Variants in MSANTD3 observed in about 807,000 individuals in gnomAD.
MSANTD3 encodes Myb/SANT DNA binding domain containing 3.
A neutral mutation model predicts 27.7 loss-of-function variants in MSANTD3; 11 were observed. That is an observed-to-expected ratio of 0.40 (90% CI 0.25 to 0.66). The LOEUF (loss-of-function observed/expected upper bound fraction) is 0.66. MSANTD3 is among the 30% of genes least tolerant of loss of function. The pLI, the probability that MSANTD3 is intolerant of heterozygous loss-of-function variation, is 0.41. For synonymous variants in MSANTD3, 131 were observed against 127.2 expected (o/e 1.03, Z -0.20); for missense variants, 250 against 336.5 (o/e 0.74, Z 2.01).
chr9:100,433,116 T>C (rs1001595264), intron 1 of MSANTD3, among the ~76,000 whole-genome samples: 2 of 152,174 alleles, frequency 1.3e-5, no homozygotes, highest in African/African-American at 4.8e-5. Context: ...GAGGGGGTTC[T>C]GAAGTGGGAG....
At chr9:100,447,962 G>A (rs746938992) in intron 2 of MSANTD3, among the ~76,000 whole-genome samples, 2 of 152,108 alleles carry the variant, frequency 1.3e-5, no homozygotes, top group East Asian at 1.9e-4. Flanking sequence ...AGGCCAAGGC[G>A]GGCCGATTGC....
At chr9:100,428,385 T>C (rs1183974429) in intron 1 of MSANTD3, among the ~76,000 whole-genome samples, 1 of 151,954 alleles carries the variant, frequency 6.6e-6, no homozygotes, top group African/African-American at 2.4e-5. Context: ...GAATATTAAT[T>C]AAAAAACATA....
chr9:100,443,692 A>G (rs1360976863), intron 2 of MSANTD3, among the ~76,000 whole-genome samples: 1 of 152,234 alleles, frequency 6.6e-6, no homozygotes, highest in Non-Finnish European at 1.5e-5. Context: ...ATAGCTTCAA[A>G]AGGTTGGAAT....
chr9:100,436,615 T>C (rs1465587516), intron 1 of MSANTD3, among the ~76,000 whole-genome samples: 2 of 152,230 alleles, frequency 1.3e-5, no homozygotes, highest in African/African-American at 4.8e-5. Context: ...TAAACAATTA[T>C]GGACAATTGA....
At chr9:100,443,976 G>C (rs1490101189) in intron 2 of MSANTD3, among the ~76,000 whole-genome samples, 1 of 152,208 alleles carries the variant, frequency 6.6e-6, no homozygotes, top group African/African-American at 2.4e-5. Flanking sequence ...TGCCTCCAGA[G>C]TAGACTGAGC....
intron 1 of MSANTD3, among the ~76,000 whole-genome samples, chr9:100,440,593 T>A (rs1481808215): frequency 4.1e-5 from 6 of 147,902 alleles, no homozygotes; most frequent in African/African-American, 1.5e-4. Context: ...ACGTCAAATT[T>A]TTTTTTTTTT....
At chr9:100,435,576 G>A (rs1036288399) in intron 1 of MSANTD3, among the ~76,000 whole-genome samples, 2 of 152,158 alleles carry the variant, frequency 1.3e-5, no homozygotes, top group African/African-American at 4.8e-5. Flanking sequence ...AGTTCTAGAG[G>A]CTGAGAAGGC....
rs773424982 is a variant in MSANTD3 at position 100,442,111 on chromosome 9, C to T, written c.173C>T (p.Ser58Phe). Residue 58 changes from serine to phenylalanine, a missense_variant, in exon 2 of 3, where the codon TCT becomes TTT. Around this residue, in one of 3 missense-constraint regions of MSANTD3, gnomAD observed 235 missense variants for 299.3 expected, o/e 0.79. Coordinates refer to ENST00000395067, the MANE Select transcript of MSANTD3 (RefSeq NM_080655.3). ...CAGGCGCTGGCCCACGAATACAACT[C>T]TCAGCCCAGCGTGTCCCTGCGGGAT... ...TWQALAHEYN[S>F]QPSVSLRDFK... 6.2e-7 allele frequency: 1 copy of T among 1,614,220 alleles called. No individual in the cohort carries two copies. The highest frequency in any genetic ancestry group is 8.5e-7 in the Non-Finnish European group (1 of 1,180,042).
chr9:100,444,624 G>A (rs905334320), intron 2 of MSANTD3: 4 of 152,826 alleles, frequency 2.6e-5, no homozygotes, highest in African/African-American at 9.7e-5. Flanking sequence ...GACCATGCTG[G>A]TGTGAGCTGC....
intron 2 of MSANTD3, chr9:100,444,906 T>G (rs1836717702): frequency 1.2e-5 from 4 of 337,008 alleles, no homozygotes; most frequent in South Asian, 9.5e-5. Flanking sequence ...GTGACTCAAG[T>G]ATAAACGGAT....
At chr9:100,448,589 C>G in intron 2 of MSANTD3, 1 of 985,424 alleles carries the variant, frequency 1.0e-6, no homozygotes, top group Non-Finnish European at 1.2e-6. Flanking sequence ...ATACACATTT[C>G]TTACATGCCC....
At chr9:100,445,181 A>G (rs547007164) in intron 2 of MSANTD3, 1 of 1,608,380 alleles carries the variant, frequency 6.2e-7, no homozygotes. Context: ...TTCTTTCAAG[A>G]AAGAAAAAGA....
intron 2 of MSANTD3, chr9:100,445,328 C>T (rs867192914): frequency 2.5e-6 from 2 of 814,746 alleles, no homozygotes; most frequent in Middle Eastern, 2.2e-4. Context: ...ATTTCTAACA[C>T]TGTGCTGTCT....
At chr9:100,427,441 G>A (rs1304303718) in intron 1 of MSANTD3, 48 bp downstream of exon 1, 2 of 149,690 alleles carry the variant, frequency 1.3e-5, no homozygotes, top group African/African-American at 2.4e-5. Context: ...GGGGGCGGGG[G>A]TGGGGGGCGC....
At position 100,448,242 on chromosome 9, in the gene MSANTD3, C is replaced by T. The variant is rs926255490; in HGVS notation, c.419-2315C>T. 3.8e-5 allele frequency: 37 copies of T among 976,914 alleles called. No homozygotes were observed. The South Asian group carries it at 4.3e-4, about 11-fold the overall frequency. The allele number at this position is 976,914 out of a possible 1,614,324, so 60.5% of individuals were successfully genotyped here. A position where few individuals can be genotyped will look rare whatever the true frequency, so the allele number is the denominator to read the frequency against. ...AGAAGAAGAAATTAAAGAAATTGGG[C>T]GAGACAGCAGCATTGTGAGGGGATG... On this transcript the variant is annotated intron_variant, in intron 2 of 2. Transcript: ENST00000395067.
chr9:100,445,322 C>A, intron 2 of MSANTD3: 4 of 852,426 alleles, frequency 4.7e-6, no homozygotes, highest in Non-Finnish European at 7.8e-6. Context: ...CTTTCTATTT[C>A]TAACACTGTG....
chr9:100,439,676 A>ATT (rs35738277), intron 1 of MSANTD3, among the ~76,000 whole-genome samples: 3 of 137,080 alleles, frequency 2.2e-5, no homozygotes, highest in Non-Finnish European at 3.2e-5. Flanking sequence ...CTCCCAGCTA[A>ATT]TTTTTTTTTT....
intron 1 of MSANTD3, among the ~76,000 whole-genome samples, chr9:100,430,488 G>T (rs1836349191): frequency 6.6e-6 from 1 of 152,164 alleles, no homozygotes; most frequent in Non-Finnish European, 1.5e-5. Context: ...ACCAGATCCG[G>T]AAAGGCCATG....
chr9:100,432,322 T>A (rs1836394452), intron 1 of MSANTD3, among the ~76,000 whole-genome samples: 1 of 152,130 alleles, frequency 6.6e-6, no homozygotes, highest in African/African-American at 2.4e-5. Flanking sequence ...GGCACACAGG[T>A]ATGTACATGT....
Sources: gnomAD v4.1 joint callset for allele counts (sites outside exome capture counted in the v4.1 genomes callset) on GRCh38, gnomAD v4.1.1 for gene constraint, gnomAD v4.1.1 regional missense constraint, MANE v1.5 for transcripts, NCBI Gene and HGNC (gene_info 2026-07-23, HGNC 2026-07-21) for gene names.